The following MACROD2 variants were observed in gnomAD, a reference collection of about 807,000 sequenced individuals.
MACROD2 encodes the protein mono-ADP ribosylhydrolase 2, also known as ADP-ribose glycohydrolase MACROD2.
A neutral mutation model predicts 70.4 loss-of-function variants in MACROD2; 36 were observed. That is an observed-to-expected ratio of 0.51 (90% CI 0.39 to 0.68). The LOEUF is 0.68. MACROD2 is among the 30% of genes least tolerant of loss of function. The pLI, the probability that MACROD2 is intolerant of heterozygous loss-of-function variation, is 0.00. For synonymous variants in MACROD2, 172 were observed against 178.8 expected (o/e 0.96, Z 0.30); for missense variants, 496 against 538.4 (o/e 0.92, Z 0.78).
chr20:14,520,957 G>A (rs200353093), intron 4 of MACROD2, among the ~76,000 whole-genome samples: 5 of 57,458 alleles, frequency 8.7e-5, no homozygotes, highest in African/African-American at 2.9e-4. Flanking sequence ...GTGCGTGCGC[G>A]CACACACACA....
At chr20:15,674,625 T>C (rs1221477603) in intron 8 of MACROD2, among the ~76,000 whole-genome samples, 1 of 152,132 alleles carries the variant, frequency 6.6e-6, no homozygotes, top group Non-Finnish European at 1.5e-5. Context: ...CAGTCTCTGC[T>C]GCCCACTGAA....
Position 14,467,947 on chromosome 20 carries a change from T to C in MACROD2, c.272-25532T>C, listed in dbSNP as rs1244601871. ...TAATGAGTTTCTTTATCCTGAGTTCTAATTTGATTGCACTGTGGTCTGAGA... is the reference window on the plus strand; with the variant it reads ...TAATGAGTTTCTTTATCCTGAGTTCCAATTTGATTGCACTGTGGTCTGAGA... On this transcript the variant is annotated intron_variant, in intron 3 of 17. Coordinates refer to ENST00000684519, the MANE Select transcript of MACROD2 (RefSeq NM_001351661.2). Among the ~76,000 whole-genome samples, 3 of 152,300 alleles carry C rather than the reference T, an allele frequency of 2.0e-5. 1 individual carries two copies. Among genetic ancestry groups the C allele is most frequent in the African/African-American group, 7.2e-5 (3 of 41,524 alleles).
chr20:15,962,668 G>A (rs760958535), intron 12 of MACROD2, among the ~76,000 whole-genome samples: 1 of 152,060 alleles, frequency 6.6e-6, no homozygotes, highest in African/African-American at 2.4e-5. Flanking sequence ...AGCCCTTCTG[G>A]GCCCAAGCAT....
At chr20:14,268,876 C>A (rs192805455) in intron 3 of MACROD2, among the ~76,000 whole-genome samples, 3 of 152,210 alleles carry the variant, frequency 2.0e-5, no homozygotes, top group East Asian at 1.9e-4. Context: ...TAAAAACAAG[C>A]TATCAGTTCC....
At chr20:15,220,772 T>TG (rs145889983) in intron 5 of MACROD2, among the ~76,000 whole-genome samples, 15,314 of 151,220 alleles carry the variant, frequency 0.1, 1,024 homozygotes, top group Non-Finnish European at 0.15. Flanking sequence ...GAGAAAAAAA[T>TG]GGGGGGGGCT....
At chr20:14,844,581 C>T (rs533646919) in intron 5 of MACROD2, among the ~76,000 whole-genome samples, 2 of 151,976 alleles carry the variant, frequency 1.3e-5, no homozygotes, top group Admixed American at 6.6e-5. Flanking sequence ...ACTAACTGTC[C>T]CCTGACTACC....
At chr20:14,626,002 T>C (rs907335639) in intron 4 of MACROD2, among the ~76,000 whole-genome samples, 15 of 152,098 alleles carry the variant, frequency 9.9e-5, no homozygotes, top group Non-Finnish European at 1.6e-4. Context: ...TTTTTGGTAT[T>C]TTTAGTAGAC....
intron 6 of MACROD2, among the ~76,000 whole-genome samples, chr20:15,334,531 G>T (rs2078027351): frequency 6.6e-6 from 1 of 151,176 alleles, no homozygotes; most frequent in Admixed American, 6.6e-5. Context: ...CTTTCAACTA[G>T]GACAATAGAA....
intron 3 of MACROD2, among the ~76,000 whole-genome samples, chr20:14,349,561 T>TTA (rs10629434): frequency 0.37 from 52,670 of 141,302 alleles, 11,321 homozygotes; most frequent in Non-Finnish European, 0.49. Context: ...TATATTAACA[T>TTA]TATATATATA....
chr20:14,762,793 G>A (rs2072033909), intron 5 of MACROD2, among the ~76,000 whole-genome samples: 1 of 151,994 alleles, frequency 6.6e-6, no homozygotes, highest in Non-Finnish European at 1.5e-5. Flanking sequence ...AGCCAGATGT[G>A]GCTGTGGGCA....
At chr20:15,233,345 G>A (rs1263509871) in intron 6 of MACROD2, among the ~76,000 whole-genome samples, 2 of 152,062 alleles carry the variant, frequency 1.3e-5, no homozygotes, top group African/African-American at 4.8e-5. Flanking sequence ...CTTAGCCTGG[G>A]GGAGGAGAAT....
intron 4 of MACROD2, among the ~76,000 whole-genome samples, chr20:14,586,511 G>T (rs1462018907): frequency 6.6e-6 from 1 of 152,020 alleles, no homozygotes; most frequent in Non-Finnish European, 1.5e-5. Flanking sequence ...AATATCAAAA[G>T]ACGAAGAGAA....
chr20:15,423,596 C>T (rs964923029), intron 6 of MACROD2, among the ~76,000 whole-genome samples: 1 of 151,726 alleles, frequency 6.6e-6, no homozygotes, highest in Non-Finnish European at 1.5e-5. Context: ...GTGTAGACTG[C>T]TGTCTTCTTT....
At chr20:15,234,976 T>A (rs1224117893) in intron 6 of MACROD2, among the ~76,000 whole-genome samples, 1 of 152,186 alleles carries the variant, frequency 6.6e-6, no homozygotes, top group African/African-American at 2.4e-5. Flanking sequence ...TCTTTTAACA[T>A]CATGTTCATT....
chr20:15,834,215 C>A (rs1313633983), intron 8 of MACROD2, among the ~76,000 whole-genome samples: 1 of 152,100 alleles, frequency 6.6e-6, no homozygotes, highest in African/African-American at 2.4e-5. Context: ...TGGTGGGCAC[C>A]TGTAATCCCA....
intron 3 of MACROD2, among the ~76,000 whole-genome samples, chr20:14,345,127 C>CT (rs1483570023): frequency 2.6e-5 from 4 of 152,106 alleles, no homozygotes; most frequent in African/African-American, 9.7e-5. Flanking sequence ...GGTAACTAAA[C>CT]TTTTTTTGAA....
At chr20:14,085,461 A>C (rs2054064923) in intron 2 of MACROD2, among the ~76,000 whole-genome samples, 160 bp from the exon 3 acceptor site, 1 of 152,162 alleles carries the variant, frequency 6.6e-6, no homozygotes, top group Non-Finnish European at 1.5e-5. Flanking sequence ...TACAAAATAG[A>C]GAATAAACCA....
chr20:15,363,667 C>T (rs2078378615), intron 6 of MACROD2, among the ~76,000 whole-genome samples: 1 of 152,142 alleles, frequency 6.6e-6, no homozygotes, highest in South Asian at 2.1e-4. Flanking sequence ...CTGACATGCT[C>T]AGATTGTATT....
chr20:15,702,534 G>A (rs1452102450), intron 8 of MACROD2, among the ~76,000 whole-genome samples: 1 of 152,010 alleles, frequency 6.6e-6, no homozygotes, highest in East Asian at 1.9e-4. Context: ...TGCTGTTGTT[G>A]AATTGTTTAA....
Sources: allele counts gnomAD v4.1 joint callset (sites outside exome capture counted in the v4.1 genomes callset), GRCh38; gene constraint gnomAD v4.1.1; transcripts MANE v1.5; gene names NCBI Gene and HGNC (gene_info 2026-07-23, HGNC 2026-07-21).